The following YWHAE variants were observed in gnomAD, a reference collection of about 807,000 sequenced individuals.
The protein encoded by YWHAE is 14-3-3 protein epsilon.
YWHAE carries 4 observed loss-of-function variants against 30.1 expected under a neutral mutation model. The observed-to-expected ratio is 0.13, with a 90% CI of 0.07 to 0.30. YWHAE has a LOEUF of 0.30. Among genes scored for constraint, YWHAE ranks in the 10% least tolerant of loss-of-function variants. The pLI, the probability that YWHAE is intolerant of heterozygous loss-of-function variation, is 1.00. For missense variants in YWHAE, 121 were observed against 315.9 expected (o/e 0.38, Z 4.68); for synonymous variants, 118 against 111.8 (o/e 1.06, Z -0.35).
chr17:1,354,204 T>G lies in YWHAE; in HGVS notation c.715+7A>C. ...AGAGGTGCCTGTTTCACTCCGTGCT[T>G]GCTTACCGTCACCCTGCATGTCTGA... is the stretch of plus-strand genomic sequence containing the variant. On this transcript the variant is annotated splice_region_variant and intron_variant, in intron 5 of 5. Transcript: ENST00000264335. 6.2e-7 allele frequency: 1 copy of G among 1,612,326 alleles called. No homozygotes were observed. Among genetic ancestry groups the G allele is most frequent in the Non-Finnish European group, 8.5e-7 (1 of 1,179,386 alleles).
At chr17:1,346,715 G>A (rs981284051) in intron 5 of YWHAE, among the ~76,000 whole-genome samples, 16 of 152,284 alleles carry the variant, frequency 1.1e-4, no homozygotes, top group Admixed American at 2.6e-4. Context: ...CGCCGGGCAC[G>A]GTGGCTCACG....
chr17:1,350,129 T>A (rs2072601009), intron 5 of YWHAE, among the ~76,000 whole-genome samples: 1 of 151,904 alleles, frequency 6.6e-6, no homozygotes, highest in African/African-American at 2.4e-5. Flanking sequence ...ATTTTGTATT[T>A]TTAGTAGAGA....
At chr17:1,387,919 CCTGG>C (rs1295892522) in intron 1 of YWHAE, among the ~76,000 whole-genome samples, 2 of 128,900 alleles carry the variant, frequency 1.6e-5, no homozygotes, top group Non-Finnish European at 3.1e-5. Flanking sequence ...AGCCACTGCA[CCTGG>C]CTTTTTTTTT....
At chr17:1,369,628 G>C (rs771095106) in intron 1 of YWHAE, 1 of 151,910 alleles carries the variant, frequency 6.6e-6, no homozygotes, top group Admixed American at 6.6e-5. Context: ...CCATGTACCC[G>C]AACCCCAGCC....
intron 1 of YWHAE, among the ~76,000 whole-genome samples, chr17:1,395,916 C>T (rs557413503): frequency 3.3e-5 from 5 of 152,252 alleles, no homozygotes; most frequent in African/African-American, 1.2e-4. Context: ...GTCAGGAGTT[C>T]GAGATCAGCC....
intron 2 of YWHAE, among the ~76,000 whole-genome samples, chr17:1,364,322 A>G (rs954222021): frequency 1.3e-5 from 2 of 151,092 alleles, no homozygotes; most frequent in Non-Finnish European, 2.9e-5. Context: ...CGCCTCCCGG[A>G]TTCACACCAT....
At chr17:1,352,983 C>T (rs2072660915) in intron 5 of YWHAE, among the ~76,000 whole-genome samples, 1 of 152,138 alleles carries the variant, frequency 6.6e-6, no homozygotes, top group African/African-American at 2.4e-5. Flanking sequence ...AACAATCTAC[C>T]ATGGATCAAA....
At chr17:1,368,784 A>C (rs2150857210) in intron 1 of YWHAE, among the ~76,000 whole-genome samples, 1 of 152,336 alleles carries the variant, frequency 6.6e-6, no homozygotes, top group Admixed American at 6.5e-5. Flanking sequence ...GTAAGCCTGT[A>C]ATTAAACTTT....
At chr17:1,352,624 T>C (rs1250557416) in intron 5 of YWHAE, among the ~76,000 whole-genome samples, 1 of 151,922 alleles carries the variant, frequency 6.6e-6, no homozygotes, top group Non-Finnish European at 1.5e-5. Flanking sequence ...CTCCTGGGTT[T>C]AAGCAATTCT....
At chr17:1,367,673 G>C (rs1348847361) in intron 1 of YWHAE, among the ~76,000 whole-genome samples, 1 of 152,080 alleles carries the variant, frequency 6.6e-6, no homozygotes, top group Non-Finnish European at 1.5e-5. Flanking sequence ...AAGAGGAGAC[G>C]GGAGGGGAGA....
intron 3 of YWHAE, 91 bp from the exon 4 acceptor site, chr17:1,361,389 T>G: frequency 9.4e-7 from 1 of 1,064,624 alleles, no homozygotes; most frequent in South Asian, 1.8e-5. Flanking sequence ...CTATATTATA[T>G]AAAATGTGAC....
rs541775977 is a variant in YWHAE at position 1,370,404 on chromosome 17, T to A, written c.65-5346A>T. Among the ~76,000 whole-genome samples, 42 of 152,028 alleles carry A rather than the reference T, an allele frequency of 2.8e-4. No homozygotes were observed. In the South Asian group the frequency reaches 8.1e-3, roughly 29 times the overall value. On this transcript the variant is annotated intron_variant, in intron 1 of 5. Transcript: ENST00000264335. The stretch of plus-strand genomic sequence containing the variant: ...CCTTGGCCTCCCAAAGTGCTGGGAT[T>A]ACAGGCGTGAGCCACCGCGACTGGC...
chr17:1,388,102 TTTTTTTTTTTG>T (rs2073329875), intron 1 of YWHAE, among the ~76,000 whole-genome samples: 1 of 44,106 alleles, frequency 2.3e-5, no homozygotes, highest in Admixed American at 3.2e-4. Context: ...GTAATTTTTG[TTTTTTTTTTTG>T]GTTGGTTTTT....
intron 2 of YWHAE, among the ~76,000 whole-genome samples, chr17:1,364,229 C>CTT (rs34295955): frequency 7.0e-6 from 1 of 142,852 alleles, no homozygotes; most frequent in Non-Finnish European, 1.5e-5. Flanking sequence ...TTTTTGGGTG[C>CTT]TTTTTTTTTT....
chr17:1,385,163 A>AAG (rs2073281872), intron 1 of YWHAE, among the ~76,000 whole-genome samples: 1 of 150,866 alleles, frequency 6.6e-6, no homozygotes, highest in Non-Finnish European at 1.5e-5. Flanking sequence ...AAAAAAAAAA[A>AAG]GTAAAGATAA....
chr17:1,351,071 A>C (rs1171766825), intron 5 of YWHAE, among the ~76,000 whole-genome samples: 1 of 150,404 alleles, frequency 6.6e-6, no homozygotes, highest in Non-Finnish European at 1.5e-5. Context: ...AAAACAAAAC[A>C]AAAAATCAGC....
At position 1,362,013 on chromosome 17, in the gene YWHAE, A is replaced by AG; in HGVS notation, c.265-6_265-5insC. ...TAACTTTAGCTCAGTCTCAACCTAA[A>AG]AAAAAAAAAATTTTTTTTAAATCAG... On this transcript the variant is annotated splice_polypyrimidine_tract_variant and splice_region_variant and intron_variant, in intron 2 of 5. Transcript: ENST00000264335. 6.5e-7 allele frequency: 1 copy of AG among 1,535,852 alleles called. No individual in the cohort carries two copies. Among genetic ancestry groups the AG allele is most frequent in the Non-Finnish European group, 8.7e-7 (1 of 1,147,428 alleles).
chr17:1,392,576 G>GC (rs1372574172), intron 1 of YWHAE, among the ~76,000 whole-genome samples: 1 of 152,064 alleles, frequency 6.6e-6, no homozygotes, highest in Non-Finnish European at 1.5e-5. Context: ...CTGGCCGGGT[G>GC]CGGTGGCTCA....
At chr17:1,359,672 A>C (rs1238099224) in intron 4 of YWHAE, among the ~76,000 whole-genome samples, 2 of 151,892 alleles carry the variant, frequency 1.3e-5, no homozygotes, top group Non-Finnish European at 2.9e-5. Flanking sequence ...GTAAAATAAA[A>C]GTTACTAGCA....
Sources: allele counts gnomAD v4.1 joint callset (sites outside exome capture counted in the v4.1 genomes callset), GRCh38; gene constraint gnomAD v4.1.1; transcripts MANE v1.5; gene names NCBI Gene and HGNC (gene_info 2026-07-23, HGNC 2026-07-21).